Variants in ARHGEF2 observed in about 807,000 individuals in gnomAD.
ARHGEF2 encodes Rho/Rac guanine nucleotide exchange factor 2.
A neutral mutation model predicts 121.0 loss-of-function variants in ARHGEF2; 22 were observed. The ratio of observed to expected loss-of-function variants is 0.18; its 90% confidence interval spans 0.13 to 0.26. The LOEUF (loss-of-function observed/expected upper bound fraction) is 0.26, where lower values mean the gene tolerates loss of function less well. Ranked by LOEUF, ARHGEF2 falls within the 10% of genes least tolerant of loss-of-function variation. The pLI is 1.00. For synonymous variants in ARHGEF2, 487 were observed against 530.0 expected, an observed-to-expected ratio of 0.92 and a Z score of 1.11; for missense variants, 907 against 1,336.0, an observed-to-expected ratio of 0.68 and a Z score of 5.01.
At position 155,950,602 on chromosome 1, in the gene ARHGEF2, G is replaced by C; in HGVS notation, c.2704-120C>G. ...GGGGCTCACCCATGAGTCCCCTTCA[G>C]GAGATCCACCACCAACTGGCCTCTT... On this transcript the variant is annotated intron_variant, in intron 20 of 21. Transcript: ENST00000361247. This position sits in a 1 kb window ranked among gnomAD's most constrained non-coding sequence, Gnocchi z 5.2. 1 of 1,121,092 alleles carries C rather than the reference G, an allele frequency of 8.9e-7. No homozygotes were observed. The highest frequency in any genetic ancestry group is 1.3e-6 in the Non-Finnish European group (1 of 775,982). The allele number at this position is 1,121,092 out of a possible 1,614,324, so 69.4% of individuals were successfully genotyped here.
intron 14 of ARHGEF2, 94 bp downstream of exon 14, chr1:155,954,808 T>A: frequency 8.2e-7 from 1 of 1,222,856 alleles, no homozygotes; most frequent in Non-Finnish European, 1.2e-6. Context: ...ACACCAGCCC[T>A]CATAGAGCCA....
Position 155,963,199 on chromosome 1 carries a change from G to A in ARHGEF2, c.725-16C>T, listed in dbSNP as rs981820888. 6.2e-7 allele frequency: 1 copy of A among 1,602,214 alleles called. No homozygotes were observed. Among genetic ancestry groups the A allele is most frequent in the Admixed American group, 1.7e-5 (1 of 59,956 alleles). On this transcript the variant is annotated splice_polypyrimidine_tract_variant and intron_variant, in intron 7 of 21. Coordinates refer to ENST00000361247, the MANE Select transcript of ARHGEF2 (RefSeq NM_001162383.2). ...TGGATTAGCTCTGTGGGGGACATTG[G>A]GACATTTGGCCTCTACCCTGGCTTG...
chr1:155,979,069 A>T (rs1169400457), upstream of ARHGEF2: 7 of 985,502 alleles, frequency 7.1e-6, no homozygotes, highest in Non-Finnish European at 8.4e-6. Context: ...CCAGAGGGAG[A>T]GGAAATCAAA....
intron 11 of ARHGEF2, among the ~76,000 whole-genome samples, chr1:155,958,935 C>T (rs1677280543): frequency 1.3e-5 from 2 of 151,402 alleles, no homozygotes; most frequent in South Asian, 4.2e-4. Flanking sequence ...GGGCAGGGTG[C>T]AGAAAGATTC....
At chr1:155,963,609 G>T (rs1367817107) in intron 7 of ARHGEF2, among the ~76,000 whole-genome samples, 4 of 150,706 alleles carry the variant, frequency 2.7e-5, no homozygotes, top group Non-Finnish European at 5.9e-5. Context: ...CTCCCAAAGT[G>T]CTGGGATTAC....
At chr1:155,952,049 C>A in intron 16 of ARHGEF2, 63 bp from the exon 17 acceptor site, 1 of 1,613,914 alleles carries the variant, frequency 6.2e-7, no homozygotes, top group Non-Finnish European at 8.5e-7. Flanking sequence ...CCACTTGATC[C>A]CTGGTACCAC....
chr1:155,969,129 G>T (rs774480812), intron 2 of ARHGEF2, 27 bp downstream of exon 2: 3 of 1,612,930 alleles, frequency 1.9e-6, no homozygotes, highest in Non-Finnish European at 8.5e-7. Flanking sequence ...CCGAGTCTGG[G>T]TGACTCTCAG....
At chr1:155,956,781 C>T (rs1003107587) in intron 13 of ARHGEF2, among the ~76,000 whole-genome samples, 4 of 149,196 alleles carry the variant, frequency 2.7e-5, no homozygotes, top group Non-Finnish European at 4.5e-5. Flanking sequence ...CATGGTAAAA[C>T]CCCGTCTCTA....
rs1169337127 is a variant in ARHGEF2, at chr1:155,965,193, C to G, written c.581-62G>C. The G allele has an allele frequency of 6.2e-7, 1 of 1,609,210 alleles. No individual in the cohort carries two copies. Among genetic ancestry groups the G allele is most frequent in the Non-Finnish European group, 8.5e-7 (1 of 1,176,468 alleles). The stretch of plus-strand genomic sequence containing the variant: ...AGTTCCCTTCCCTGGGTCCCTGGCC[C>G]TTCTCTAGATCCCTTCCCTCCTTGT... On this transcript the variant is annotated intron_variant, in intron 6 of 21. Coordinates refer to ENST00000361247, the MANE Select transcript of ARHGEF2 (RefSeq NM_001162383.2). The surrounding 1 kb of genome is among the most constrained non-coding windows in gnomAD (Gnocchi z 6.0).
rs972407292 is a variant in ARHGEF2 at position 155,950,593 on chromosome 1, T to A, written c.2704-111A>T. On this transcript the variant is annotated intron_variant, in intron 20 of 21. Transcript: ENST00000361247. The surrounding 1 kb of genome is among the most constrained non-coding windows in gnomAD (Gnocchi z 5.2). ...CTCCCCCCTGGGGCTCACCCATGAG[T>A]CCCCTTCAGGAGATCCACCACCAAC... is the stretch of plus-strand genomic sequence containing the variant. 9 of 1,185,590 alleles carry A rather than the reference T, an allele frequency of 7.6e-6. No individual in the cohort carries two copies. Among genetic ancestry groups the A allele is most frequent in the South Asian group, 1.4e-5 (1 of 73,120 alleles). 73.4% of individuals were successfully genotyped at this position (1,185,590 alleles called of 1,614,324 possible).
rs1558059225 is a variant in ARHGEF2, at chr1:155,978,333, C to A, written c.63+32G>T. On this transcript the variant is annotated intron_variant, in intron 1 of 21. Coordinates refer to ENST00000361247, the MANE Select transcript of ARHGEF2 (RefSeq NM_001162383.2). This position sits in a 1 kb window ranked among gnomAD's most constrained non-coding sequence, Gnocchi z 4.1. ...CGGGGTTCGGGGAGCACCCGAGGAC[C>A]GCGGCGAAAGGAGAGGGGTTTCCGA... The A allele has an allele frequency of 6.7e-7, 1 of 1,487,348 alleles. No individual in the cohort carries two copies. 92.1% of individuals were successfully genotyped at this position (1,487,348 alleles called of 1,614,324 possible). A position where few individuals can be genotyped will look rare whatever the true frequency, so the allele number is the denominator to read the frequency against.
chr1:155,951,261 G>A lies in ARHGEF2; in HGVS notation c.2271C>T (p.Ala757=), dbSNP rs1207943752. 1 of 1,602,366 alleles carries A rather than the reference G, an allele frequency of 6.2e-7. No individual in the cohort carries two copies. Among genetic ancestry groups the A allele is most frequent in the East Asian group, 2.2e-5 (1 of 44,616 alleles). ...GLLHGLQAAV[A]QQDTLMEARF... is the part of the protein sequence containing the mutation. ...GGGCTTCCATCAGAGTGTCCTGCTG[G>A]GCCACAGCTGCCTGGGAGTAGAATG... is the stretch of plus-strand genomic sequence containing the variant. The change falls in exon 20 of 22, where the codon GCC becomes GCT. Residue 757 remains alanine (A), a synonymous_variant. Coordinates refer to ENST00000361247, the MANE Select transcript of ARHGEF2 (RefSeq NM_001162383.2). The surrounding 1 kb of genome is among the most constrained non-coding windows in gnomAD (Gnocchi z 5.1).
In ARHGEF2 at chr1:155,969,445, G is replaced by A. The variant is rs375115596; in HGVS notation, c.64-145C>T. 260 of 1,467,662 alleles carry A rather than the reference G, an allele frequency of 1.8e-4. 1 individual carries two copies. In the African/African-American group the frequency reaches 3.0e-3, roughly 17 times the overall value. The allele number at this position is 1,467,662 out of a possible 1,614,324, so 90.9% of individuals were successfully genotyped here. A position where few individuals can be genotyped will look rare whatever the true frequency, so the allele number is the denominator to read the frequency against. On this transcript the variant is annotated intron_variant, in intron 1 of 21. Coordinates refer to ENST00000361247, the MANE Select transcript of ARHGEF2 (RefSeq NM_001162383.2). ...GACACCAGTTCCTAAAGCAGAGCCT[G>A]CAACTGGGTGTCAGAGGCAGCTGTC... is the stretch of plus-strand genomic sequence containing the variant.
Position 155,961,742 on chromosome 1 carries a change from AG to A in ARHGEF2, c.1386del (p.Phe463LeufsTer7). ...CGCCTCAGAAGTTCCTCTCGGCCAA[AG>A]GGGCCCTTGCCAGGCACTGGGGTTT... ...RAQTPVPGKG[P>X]FGREELLRRK... On this transcript the variant is annotated frameshift_variant, in exon 11 of 22. Coordinates refer to ENST00000361247, the MANE Select transcript of ARHGEF2 (RefSeq NM_001162383.2). LOFTEE classifies it high-confidence loss of function. The surrounding 1 kb of genome is among the most constrained non-coding windows in gnomAD (Gnocchi z 4.7). 1 of 1,614,208 alleles carries A rather than the reference AG, an allele frequency of 6.2e-7. No individual in the cohort carries two copies. Among genetic ancestry groups the A allele is most frequent in the East Asian group, 2.2e-5 (1 of 44,888 alleles).
In ARHGEF2 at chr1:155,964,200, A is replaced by G. The variant is rs796768714; in HGVS notation, c.724+788T>C. ...TATATATATATATATATATATATAC[A>G]TATATATATATATATATTTTTTTTT... is the stretch of plus-strand genomic sequence containing the variant. On this transcript the variant is annotated intron_variant, in intron 7 of 21. Transcript: ENST00000361247. Among the ~76,000 whole-genome samples, 114 of 109,358 alleles carry G rather than the reference A, an allele frequency of 1.0e-3. 2 individuals carry two copies. In the Middle Eastern group the frequency reaches 0.025, roughly 24 times the overall value. The allele number at this position is 109,358 out of a possible 152,430, so 71.7% of individuals were successfully genotyped here. A position where few individuals can be genotyped will look rare whatever the true frequency, so the allele number is the denominator to read the frequency against.
rs145173245 is a variant in ARHGEF2, at chr1:155,970,316, G to C, written c.64-1016C>G. ...CAGTGCCCCTGCCTCTGCAAGTCAA[G>C]TCATTCTCCCTGACCTCCAATCTGT... On this transcript the variant is annotated intron_variant, in intron 1 of 21. Coordinates refer to ENST00000361247, the MANE Select transcript of ARHGEF2 (RefSeq NM_001162383.2). 35 of 985,560 alleles carry C rather than the reference G, an allele frequency of 3.6e-5. No homozygotes were observed. In the African/African-American group the frequency reaches 5.1e-4, roughly 14 times the overall value. 61.1% of individuals were successfully genotyped at this position (985,560 alleles called of 1,614,324 possible).
intron 1 of ARHGEF2, among the ~76,000 whole-genome samples, chr1:155,972,527 T>C (rs1222955734): frequency 6.6e-6 from 1 of 152,000 alleles, no homozygotes; most frequent in Non-Finnish European, 1.5e-5. Context: ...CTTAAGATAA[T>C]CACATTGGTC....
chr1:155,966,285 C>T, intron 4 of ARHGEF2, 131 bp downstream of exon 4: 2 of 881,192 alleles, frequency 2.3e-6, no homozygotes, highest in Non-Finnish European at 3.6e-6. Context: ...TAGGCCCCCA[C>T]TATCTGCTTC....
chr1:155,966,924 G>A (rs747306649), intron 2 of ARHGEF2, 37 bp from the exon 3 acceptor site: 39 of 1,592,460 alleles, frequency 2.4e-5, no homozygotes, highest in Middle Eastern at 1.7e-4. Flanking sequence ...AGGGAGGGCC[G>A]GGTGGTACAG....
Sources: allele counts gnomAD v4.1 joint callset (sites outside exome capture counted in the v4.1 genomes callset), GRCh38; gene constraint gnomAD v4.1.1; non-coding constraint Gnocchi (gnomAD v3.1); transcripts MANE v1.5; gene names NCBI Gene and HGNC (gene_info 2026-07-23, HGNC 2026-07-21).